UGT1A10: variants seen among roughly 807,000 people sequenced by gnomAD.
The protein encoded by UGT1A10 is UDP glucuronosyltransferase family 1 member A10.
In UGT1A10, 49 loss-of-function variants were observed where a neutral mutation model predicts 45.8. The observed-to-expected ratio is 1.07, with a 90% confidence interval of 0.85 to 1.36. The LOEUF (loss-of-function observed/expected upper bound fraction) is 1.36, where lower values mean the gene tolerates loss of function less well. Among genes scored for constraint, UGT1A10 ranks in the 40% most tolerant of loss-of-function variants. The probability of loss-of-function intolerance (pLI) is 0.00; values close to 1 mark genes in which losing one functional copy is unlikely to be tolerated. For synonymous variants in UGT1A10, 284 were observed against 249.7 expected, an observed-to-expected ratio of 1.14 and a Z score of -1.29; for missense variants, 745 against 668.6, an observed-to-expected ratio of 1.11 and a Z score of -1.26.
chr2:233,675,676 A>G lies in UGT1A10; in HGVS notation c.855+38299A>G, dbSNP rs28969705. Among the ~76,000 whole-genome samples the G allele has an allele frequency of 4.1e-4, 63 of 152,320 alleles. No individual in the cohort carries two copies. In the East Asian group the frequency reaches 0.011, roughly 27 times the overall value. Reference sequence around the variant, plus strand: ...CATACACAATGGAGAGACTCAGTGTAATGAGCACCCACTTATCCATTCTTA... The same window carrying G: ...CATACACAATGGAGAGACTCAGTGTGATGAGCACCCACTTATCCATTCTTA... On this transcript the variant is annotated intron_variant, in intron 1 of 4. Transcript: ENST00000344644.
intron 1 of UGT1A10, chr2:233,719,275 A>T: frequency 6.2e-7 from 1 of 1,613,870 alleles, no homozygotes; most frequent in South Asian, 1.1e-5. Flanking sequence ...GTTTTAACAG[A>T]CCCCGTTAAC....
chr2:233,728,881 C>T (rs529466232), intron 1 of UGT1A10, among the ~76,000 whole-genome samples: 1 of 152,166 alleles, frequency 6.6e-6, no homozygotes. Flanking sequence ...TTGGATGTTC[C>T]CCAGAGTGAG....
At chr2:233,756,429 T>C (rs2125943260) in intron 1 of UGT1A10, 1 of 152,364 alleles carries the variant, frequency 6.6e-6, no homozygotes, top group South Asian at 2.1e-4. Context: ...ACTGTTTTTT[T>C]TTCATTGTTG....
At chr2:233,706,797 A>G (rs952386355) in intron 1 of UGT1A10, among the ~76,000 whole-genome samples, 9 of 152,160 alleles carry the variant, frequency 5.9e-5, no homozygotes, top group African/African-American at 1.9e-4. Context: ...CCATGCACCA[A>G]TTAGGTTGGG....
At chr2:233,756,247 A>C (rs1418468215) in intron 1 of UGT1A10, 1 of 152,214 alleles carries the variant, frequency 6.6e-6, no homozygotes, top group Non-Finnish European at 1.5e-5. Context: ...CCTTCCCCAT[A>C]CCAAAATCTA....
chr2:233,648,714 T>A (rs2073665976), intron 1 of UGT1A10: 1 of 439,738 alleles, frequency 2.3e-6, no homozygotes, highest in Non-Finnish European at 4.2e-6. Flanking sequence ...TCCGCCCGCC[T>A]TGGCCTCCCA....
At chr2:233,765,641 G>C (rs914163891) in intron 1 of UGT1A10, among the ~76,000 whole-genome samples, 18 of 151,492 alleles carry the variant, frequency 1.2e-4, no homozygotes, top group Admixed American at 9.9e-4. Flanking sequence ...TTAGAGGATA[G>C]GTCAATAGGT....
intron 1 of UGT1A10, among the ~76,000 whole-genome samples, chr2:233,730,912 AG>A (rs1229657899): frequency 1.3e-5 from 2 of 152,192 alleles, no homozygotes; most frequent in East Asian, 3.9e-4. Context: ...CAAAAATTTC[AG>A]AGGCAGCTTT....
chr2:233,747,212 A>G, intron 1 of UGT1A10: 1 of 1,605,294 alleles, frequency 6.2e-7, no homozygotes, highest in South Asian at 1.1e-5. Context: ...TCTTCTGCTG[A>G]GATGGCCACA....
intron 1 of UGT1A10, among the ~76,000 whole-genome samples, chr2:233,745,089 C>T (rs542765504): frequency 6.6e-6 from 1 of 151,622 alleles, no homozygotes; most frequent in African/African-American, 2.4e-5. Context: ...ATTGCTCTTC[C>T]CCCCAAATAT....
chr2:233,660,271 C>G (rs925955295), intron 1 of UGT1A10, among the ~76,000 whole-genome samples: 1 of 152,164 alleles, frequency 6.6e-6, no homozygotes, highest in African/African-American at 2.4e-5. Context: ...GTTGACAATC[C>G]TTTCCATAGA....
chr2:233,673,332 T>C (rs1054412999), intron 1 of UGT1A10, among the ~76,000 whole-genome samples: 1 of 152,292 alleles, frequency 6.6e-6, no homozygotes, highest in Admixed American at 6.5e-5. Flanking sequence ...TATTAATAAT[T>C]GCATAAAATA....
chr2:233,766,080 C>A (rs1198931583), intron 1 of UGT1A10, among the ~76,000 whole-genome samples: 1 of 152,194 alleles, frequency 6.6e-6, no homozygotes, highest in African/African-American at 2.4e-5. Context: ...TACCTTGTCG[C>A]AAGGACAGAG....
intron 1 of UGT1A10, chr2:233,672,290 TA>T (rs770120796): frequency 1.1e-5 from 18 of 1,614,014 alleles, no homozygotes; most frequent in Middle Eastern, 1.6e-4. Flanking sequence ...ATTTTTGACT[TA>T]TTTTTTTCAA....
rs990396664 is a variant in UGT1A10, at chr2:233,661,698, TATCTGGA to T, written c.855+24322_855+24328del. On this transcript the variant is annotated intron_variant, in intron 1 of 4. Transcript: ENST00000344644. ...TTCTTTCTTTTTAAACAAAGGTCCT[TATCTGGA>T]TTCTTTTTTTTTTTTTTAATGATCG... Among the ~76,000 whole-genome samples, 3 of 143,460 alleles carry T rather than the reference TATCTGGA, an allele frequency of 2.1e-5. No individual in the cohort carries two copies. The Admixed American group carries it at 2.1e-4, about 10-fold the overall frequency. 94.1% of individuals were successfully genotyped at this position (143,460 alleles called of 152,430 possible).
At chr2:233,684,119 C>G (rs2074663722) in intron 1 of UGT1A10, among the ~76,000 whole-genome samples, 1 of 152,158 alleles carries the variant, frequency 6.6e-6, no homozygotes, top group Non-Finnish European at 1.5e-5. Context: ...GTTCTGGCTT[C>G]TTACAAAGTT....
At position 233,693,663 on chromosome 2, in the gene UGT1A10, A is replaced by G. The variant is rs201621149; in HGVS notation, c.855+56286A>G. On this transcript the variant is annotated intron_variant, in intron 1 of 4. Transcript: ENST00000344644. The stretch of plus-strand genomic sequence containing the variant: ...TTCCTTGTTAATTTGTTGGAGCCCT[A>G]TCTATTTTATTGTCTGTTTTCAAAG... 7 of 1,614,142 alleles carry G rather than the reference A, an allele frequency of 4.3e-6. No homozygotes were observed. In the African/African-American group the frequency reaches 6.7e-5, roughly 15 times the overall value.
At chr2:233,742,415 C>A (rs1691970237) in intron 1 of UGT1A10, among the ~76,000 whole-genome samples, 1 of 151,952 alleles carries the variant, frequency 6.6e-6, no homozygotes, top group Non-Finnish European at 1.5e-5. Context: ...TTAGGAACAC[C>A]TTAAGCGGTT....
chr2:233,735,677 C>A (rs1321375160), intron 1 of UGT1A10, among the ~76,000 whole-genome samples: 1 of 152,088 alleles, frequency 6.6e-6, no homozygotes. Context: ...TTAGTGCTTC[C>A]TTTAGGAGCT....
Sources: allele counts gnomAD v4.1 joint callset (sites outside exome capture counted in the v4.1 genomes callset), GRCh38; gene constraint gnomAD v4.1.1; transcripts MANE v1.5; gene names NCBI Gene and HGNC (gene_info 2026-07-23, HGNC 2026-07-21).